Variants in DMD observed in about 807,000 individuals in gnomAD.
The protein encoded by DMD is dystrophin.
In DMD, 63 loss-of-function variants were observed where a neutral mutation model predicts 330.1. That is an observed-to-expected ratio of 0.19 (90% CI 0.16 to 0.24). The LOEUF (loss-of-function observed/expected upper bound fraction) is 0.24. Among genes scored for constraint, DMD ranks in the 10% least tolerant of loss-of-function variants. The pLI, the probability that DMD is intolerant of heterozygous loss-of-function variation, is 1.00. For missense variants in DMD, 3,344 were observed against 2,684.1 expected, an observed-to-expected ratio of 1.25 and a Z score of -5.43; for synonymous variants, 1,223 against 959.8, an observed-to-expected ratio of 1.27 and a Z score of -5.07.
chrX:33,077,527 G>A (rs767066597), intron 1 of DMD, among the ~76,000 whole-genome samples: 20 of 111,499 alleles, frequency 1.8e-4, no homozygotes, highest in Non-Finnish European at 2.6e-4. Context: ...GGGAAGTAGC[G>A]GGAATGGGAA....
intron 2 of DMD, among the ~76,000 whole-genome samples, chrX:32,964,758 C>A (rs778967387): frequency 8.9e-6 from 1 of 111,827 alleles, no homozygotes; most frequent in Non-Finnish European, 1.9e-5. Context: ...AGAACTGCTC[C>A]TCCTAACAAA....
chrX:31,146,994 G>C (rs2036783476), intron 75 of DMD, among the ~76,000 whole-genome samples: 1 of 111,920 alleles, frequency 8.9e-6, no homozygotes, highest in African/African-American at 3.2e-5. Context: ...TTCACTTTTA[G>C]AGAACTAGTG....
At chrX:32,300,481 A>T (rs113610070) in intron 42 of DMD, among the ~76,000 whole-genome samples, 80 of 111,478 alleles carry the variant, frequency 7.2e-4, no homozygotes, top group African/African-American at 2.5e-3. Flanking sequence ...AAAAAGAACA[A>T]CAAAAAAAAC....
chrX:31,397,825 C>A (rs1458500761), intron 60 of DMD, among the ~76,000 whole-genome samples: 1 of 112,114 alleles, frequency 8.9e-6, no homozygotes, highest in Non-Finnish European at 1.9e-5. Context: ...AGGAACTGCA[C>A]ATAATGCAAA....
chrX:31,613,038 G>A (rs193103376), intron 55 of DMD, among the ~76,000 whole-genome samples: 2 of 111,897 alleles, frequency 1.8e-5, no homozygotes, highest in African/African-American at 3.2e-5. Flanking sequence ...GGAGAGAAAG[G>A]GTATTCTGAG....
chrX:31,806,279 T>C (rs952963913), intron 50 of DMD, among the ~76,000 whole-genome samples: 1 of 111,823 alleles, frequency 8.9e-6, no homozygotes, highest in Non-Finnish European at 1.9e-5. Flanking sequence ...AATTGCAATG[T>C]ATTATGATTT....
At chrX:32,266,577 A>G (rs2097345387) in intron 43 of DMD, among the ~76,000 whole-genome samples, 1 of 112,105 alleles carries the variant, frequency 8.9e-6, no homozygotes, top group South Asian at 3.7e-4. Flanking sequence ...TTTACACATC[A>G]TGGACAGAAA....
intron 16 of DMD, among the ~76,000 whole-genome samples, chrX:32,557,416 A>G (rs1435733): frequency 0.11 from 12,259 of 111,711 alleles, 845 homozygotes; most frequent in African/African-American, 0.24. Context: ...GGCTCTTGAC[A>G]TGCTATATTG....
intron 21 of DMD, among the ~76,000 whole-genome samples, chrX:32,476,467 C>T (rs1304907726): frequency 9.0e-6 from 1 of 111,333 alleles, no homozygotes; most frequent in Non-Finnish European, 1.9e-5. Flanking sequence ...GGTTTGGGAA[C>T]TTGTCCATCT....
intron 51 of DMD, among the ~76,000 whole-genome samples, chrX:31,737,130 A>C (rs1426317201): frequency 8.9e-6 from 1 of 111,840 alleles, no homozygotes; most frequent in African/African-American, 3.2e-5. Context: ...AAGTTAAACA[A>C]TTTGTCTAGG....
At chrX:32,638,946 C>A (rs2059270058) in intron 11 of DMD, among the ~76,000 whole-genome samples, 1 of 111,474 alleles carries the variant, frequency 9.0e-6, no homozygotes, top group Non-Finnish European at 1.9e-5. Context: ...TCTGTCCAGT[C>A]AAAGCATTGA....
chrX:32,653,596 C>T (rs145033964), intron 9 of DMD, among the ~76,000 whole-genome samples: 1 of 111,821 alleles, frequency 8.9e-6, no homozygotes, highest in African/African-American at 3.3e-5. Context: ...TAGTGTGATA[C>T]CTCCAGCTTT....
At chrX:32,250,017 C>A (rs1479885467) in intron 43 of DMD, among the ~76,000 whole-genome samples, 1 of 111,626 alleles carries the variant, frequency 9.0e-6, no homozygotes, top group East Asian at 2.8e-4. Flanking sequence ...CGCCTTGAAC[C>A]ATTAAGTACA....
At chrX:32,678,260 A>G (rs751026602) in intron 9 of DMD, among the ~76,000 whole-genome samples, 1 of 112,644 alleles carries the variant, frequency 8.9e-6, no homozygotes, top group South Asian at 3.6e-4. Context: ...CTTACAGAAG[A>G]AAAGAACAGT....
intron 74 of DMD, among the ~76,000 whole-genome samples, chrX:31,168,192 C>T: frequency 9.0e-6 from 1 of 111,655 alleles, no homozygotes. Context: ...GAAATACTAG[C>T]TACAACAGCA....
chrX:33,055,476 A>G, intron 1 of DMD, among the ~76,000 whole-genome samples: 1 of 112,370 alleles, frequency 8.9e-6, no homozygotes, highest in Middle Eastern at 4.6e-3. Context: ...TACAGGCAAC[A>G]CTGTATTGCA....
At chrX:32,905,458 G>A in intron 2 of DMD, among the ~76,000 whole-genome samples, 1 of 111,367 alleles carries the variant, frequency 9.0e-6, no homozygotes. Flanking sequence ...ATAAGTTGGG[G>A]CTGAGTCTTT....
intron 52 of DMD, among the ~76,000 whole-genome samples, chrX:31,717,478 A>G (rs1198917379): frequency 1.8e-5 from 2 of 112,222 alleles, no homozygotes; most frequent in Non-Finnish European, 3.8e-5. Context: ...AGCAATTTAC[A>G]AATTCTTGTA....
intron 30 of DMD, among the ~76,000 whole-genome samples, chrX:32,399,590 G>A (rs1338398358): frequency 3.6e-5 from 4 of 111,039 alleles, no homozygotes; most frequent in Non-Finnish European, 5.7e-5. Context: ...ACAAATGTTG[G>A]CGAGGATATG....
Sources: gnomAD v4.1 joint callset for allele counts (sites outside exome capture counted in the v4.1 genomes callset) on GRCh38, gnomAD v4.1.1 for gene constraint, MANE v1.5 for transcripts, NCBI Gene and HGNC (gene_info 2026-07-23, HGNC 2026-07-21) for gene names.